Variants in HORMAD2 observed in about 807,000 individuals in gnomAD.
HORMAD2 encodes the protein HORMA domain containing 2.
HORMAD2 carries 45 observed loss-of-function variants against 38.8 expected under a neutral mutation model. The observed-to-expected ratio is 1.16, with a 90% confidence interval of 0.91 to 1.49. HORMAD2 has a LOEUF of 1.49. Ranked by LOEUF, HORMAD2 falls within the 40% of genes most tolerant of loss-of-function variation. The pLI is 0.00. For synonymous variants in HORMAD2, 126 were observed against 122.8 expected, an observed-to-expected ratio of 1.03 and a Z score of -0.17; for missense variants, 338 against 367.0, an observed-to-expected ratio of 0.92 and a Z score of 0.65.
chr22:30,085,912 C>T (rs971545991), intron 1 of HORMAD2, among the ~76,000 whole-genome samples: 5 of 152,156 alleles, frequency 3.3e-5, no homozygotes, highest in Admixed American at 6.5e-5. Flanking sequence ...ACCCAGACTT[C>T]GTAATAGTGG....
intron 5 of HORMAD2, among the ~76,000 whole-genome samples, chr22:30,109,393 C>T (rs889416799): frequency 6.6e-6 from 1 of 152,046 alleles, no homozygotes; most frequent in African/African-American, 2.4e-5. Flanking sequence ...TCACAGCTCA[C>T]TGCAGCCTCA....
intron 4 of HORMAD2, 120 bp downstream of exon 4, chr22:30,103,620 C>T: frequency 1.1e-5 from 5 of 459,178 alleles, no homozygotes; most frequent in Non-Finnish European, 1.1e-5. Flanking sequence ...TTTCTACTTT[C>T]CCTCTTTCTT....
chr22:30,106,378 C>T (rs1921198060), intron 5 of HORMAD2, among the ~76,000 whole-genome samples: 1 of 151,854 alleles, frequency 6.6e-6, no homozygotes, highest in Non-Finnish European at 1.5e-5. Context: ...TTCAATCACC[C>T]CTATAATGCT....
At position 30,112,520 on chromosome 22, in the gene HORMAD2, G is replaced by T; in HGVS notation, c.340G>T (p.Glu114Ter). 1 of 1,376,354 alleles carries T rather than the reference G, an allele frequency of 7.3e-7. No homozygotes were observed. The highest frequency in any genetic ancestry group is 9.7e-7 in the Non-Finnish European group (1 of 1,032,658). 85.3% of individuals were successfully genotyped at this position (1,376,354 alleles called of 1,614,324 possible). Residue 114 changes from glutamate (E) to a stop codon, truncating the protein, a stop_gained and splice_region_variant, in exon 7 of 11, where the codon GAG (glutamate) becomes TAG (stop). Transcript: ENST00000336726. LOFTEE classifies it high-confidence loss of function. ...LTLYTDPMGS[E>*]KVTEMYQFKF... ...GCTTTACACAGATCCCATGGGATCTGAGGTAAGAACACACACAAACGTATA... is the reference window on the plus strand; with the variant it reads ...GCTTTACACAGATCCCATGGGATCTTAGGTAAGAACACACACAAACGTATA...
At chr22:30,202,680 G>A in the HORMAD2 span, among the ~76,000 whole-genome samples, 7 of 152,278 alleles carry the variant, frequency 4.6e-5, no homozygotes, top group South Asian at 2.1e-4. Context: ...GAGCCACCTC[G>A]CTGGGAAAAC....
chr22:30,116,831 G>T (rs1922076912), intron 7 of HORMAD2, among the ~76,000 whole-genome samples: 1 of 152,168 alleles, frequency 6.6e-6, no homozygotes, highest in Non-Finnish European at 1.5e-5. Flanking sequence ...AGATCACTCA[G>T]AGCATTAAAA....
At chr22:30,167,995 A>G (rs189094468) in intron 10 of HORMAD2, among the ~76,000 whole-genome samples, 4 of 152,346 alleles carry the variant, frequency 2.6e-5, no homozygotes, top group African/African-American at 9.6e-5. Context: ...ATTGTGAGGA[A>G]TAAATGACAT....
intron 10 of HORMAD2, among the ~76,000 whole-genome samples, chr22:30,143,486 A>G (rs899732674): frequency 2.6e-5 from 4 of 151,932 alleles, no homozygotes; most frequent in Non-Finnish European, 4.4e-5. Flanking sequence ...CACTTTGAAT[A>G]TGTTGTCTTA....
chr22:30,147,801 C>T (rs1924509798), intron 10 of HORMAD2, among the ~76,000 whole-genome samples: 1 of 152,088 alleles, frequency 6.6e-6, no homozygotes. Flanking sequence ...AATTTGAAGA[C>T]ATATCACAGG....
chr22:30,093,463 A>G (rs2068727919), intron 1 of HORMAD2, among the ~76,000 whole-genome samples: 1 of 152,168 alleles, frequency 6.6e-6, no homozygotes, highest in Non-Finnish European at 1.5e-5. Context: ...GGTGATTTAC[A>G]ATGTATTTTC....
At chr22:30,111,745 A>G (rs1195382876) in intron 5 of HORMAD2, 51 bp from the exon 6 acceptor site, 3 of 1,370,054 alleles carry the variant, frequency 2.2e-6, no homozygotes, top group African/African-American at 1.5e-5. Flanking sequence ...AAGAATGATA[A>G]TATAGGTGCA....
chr22:30,176,402 C>G lies in HORMAD2; in HGVS notation c.*235C>G, dbSNP rs1168224746. The G allele has an allele frequency of 1.4e-5, 6 of 415,904 alleles. No individual in the cohort carries two copies. The Middle Eastern group carries it at 2.6e-3, about 180-fold the overall frequency. The allele number at this position is 415,904 out of a possible 1,614,324, so 25.8% of individuals were successfully genotyped here. A position where few individuals can be genotyped will look rare whatever the true frequency, so the allele number is the denominator to read the frequency against. ...GCCTCTGGATAGCATTACTTCAAAG[C>G]TGGGTTAGAGATGAGGCACCTTTTA... On this transcript the variant is annotated 3_prime_UTR_variant, in exon 11 of 11. Coordinates refer to ENST00000336726, the MANE Select transcript of HORMAD2 (RefSeq NM_152510.4).
intron 10 of HORMAD2, among the ~76,000 whole-genome samples, chr22:30,160,236 T>C (rs1925360882): frequency 6.6e-6 from 1 of 151,778 alleles, no homozygotes; most frequent in Admixed American, 6.6e-5. Context: ...CTTCTGCTTG[T>C]CTGACCCTCC....
At chr22:30,170,745 G>A (rs1193136744) in intron 10 of HORMAD2, among the ~76,000 whole-genome samples, 1 of 151,972 alleles carries the variant, frequency 6.6e-6, no homozygotes, top group Non-Finnish European at 1.5e-5. Context: ...CTCTTCTAAG[G>A]AGCCTTCTCT....
intron 10 of HORMAD2, among the ~76,000 whole-genome samples, chr22:30,124,938 T>G (rs909086878): frequency 6.6e-6 from 1 of 152,156 alleles, no homozygotes; most frequent in Non-Finnish European, 1.5e-5. Flanking sequence ...TCAGGGTTTA[T>G]GTTTCCTGCC....
intron 10 of HORMAD2, among the ~76,000 whole-genome samples, chr22:30,159,666 G>A (rs1925321965): frequency 6.6e-6 from 1 of 152,182 alleles, no homozygotes; most frequent in Non-Finnish European, 1.5e-5. Flanking sequence ...AACACAGACA[G>A]AAATGTGAAT....
chr22:30,197,287 G>A, the HORMAD2 span, among the ~76,000 whole-genome samples: 1 of 151,894 alleles, frequency 6.6e-6, no homozygotes. Flanking sequence ...TAAATCTTAT[G>A]ATGCTTTTCT....
At chr22:30,122,916 G>C (rs1241002512) in intron 10 of HORMAD2, among the ~76,000 whole-genome samples, 1 of 152,154 alleles carries the variant, frequency 6.6e-6, no homozygotes, top group Non-Finnish European at 1.5e-5. Flanking sequence ...AAAGGGTTCT[G>C]AGTTAGACAA....
chr22:30,110,938 A>G lies in HORMAD2; in HGVS notation c.295-858A>G, dbSNP rs546862386. Among the ~76,000 whole-genome samples, 626 of 151,734 alleles carry G rather than the reference A, an allele frequency of 4.1e-3. 3 individuals are homozygous for G. Among genetic ancestry groups the G allele is most frequent in the Non-Finnish European group, 5.3e-3 (360 of 67,874 alleles). On this transcript the variant is annotated intron_variant, in intron 5 of 10. Transcript: ENST00000336726. ...TTTGGGAGGCCGAGGTGGGTGGATC[A>G]CAAGGTCAGAAGATCGAGACCATCC...
Sources: allele counts gnomAD v4.1 joint callset (sites outside exome capture counted in the v4.1 genomes callset), GRCh38; gene constraint gnomAD v4.1.1; transcripts MANE v1.5; gene names NCBI Gene and HGNC (gene_info 2026-07-23, HGNC 2026-07-21).